The following ASXL1 variants were observed in gnomAD, a reference collection of about 807,000 sequenced individuals.
The protein encoded by ASXL1 is ASXL transcriptional regulator 1, also known as polycomb group protein ASXL1.
A neutral mutation model predicts 89.1 loss-of-function variants in ASXL1; 65 were observed. The observed-to-expected ratio is 0.73, with a 90% confidence interval of 0.60 to 0.90. The LOEUF is 0.90. ASXL1 is among the 40% of genes least tolerant of loss of function. ASXL1 has a pLI of 0.00. For synonymous variants in ASXL1, 739 were observed against 746.9 expected (o/e 0.99, Z 0.17); for missense variants, 1,786 against 1,942.9 (o/e 0.92, Z 1.52).
In ASXL1 at chr20:32,382,580, T is replaced by C. The variant is rs2122937525; in HGVS notation, c.252+13457T>C. Among the ~76,000 whole-genome samples, 3 of 137,212 alleles carry C rather than the reference T, an allele frequency of 2.2e-5. No homozygotes were observed. In the South Asian group the frequency reaches 6.8e-4, roughly 31 times the overall value. The allele number at this position is 137,212 out of a possible 152,430, so 90.0% of individuals were successfully genotyped here. On this transcript the variant is annotated intron_variant, in intron 4 of 12. Transcript: ENST00000375687. ...TGAGCCCAGGAGTTTGGTACCAGCCTGGGCAACATATGGAGACCTCGTCTC... is the reference window on the plus strand; with the variant it reads ...TGAGCCCAGGAGTTTGGTACCAGCCCGGGCAACATATGGAGACCTCGTCTC...
intron 4 of ASXL1, chr20:32,372,114 A>G: frequency 1.5e-6 from 2 of 1,342,406 alleles, no homozygotes; most frequent in South Asian, 2.5e-5. Context: ...TTGGCATAGT[A>G]CGTGCTTTAT....
chr20:32,433,042 T>C, intron 11 of ASXL1, 57 bp downstream of exon 11: 1 of 1,604,142 alleles, frequency 6.2e-7, no homozygotes, highest in South Asian at 1.1e-5. Flanking sequence ...TAGAGGTAGA[T>C]GGTCTCAAAA....
At chr20:32,415,468 T>C (rs992805967) in intron 4 of ASXL1, among the ~76,000 whole-genome samples, 4 of 152,188 alleles carry the variant, frequency 2.6e-5, no homozygotes, top group South Asian at 2.1e-4. Context: ...GAAGGGTGTA[T>C]TGCCTTACTG....
chr20:32,359,982 T>TA, intron 1 of ASXL1: 1 of 604,128 alleles, frequency 1.7e-6, no homozygotes, highest in Non-Finnish European at 3.0e-6. Context: ...GTAATGGTTG[T>TA]AATTCAGTTT....
In ASXL1 at chr20:32,436,283, A is replaced by G. The variant is rs767340580; in HGVS notation, c.3571A>G (p.Ile1191Val). ...TGAAACAGGCACTGGTCTTGCCAGGATTGAGGCCACCCAGGCTCCTGGAGC... is the reference window on the plus strand; with the variant it reads ...TGAAACAGGCACTGGTCTTGCCAGGGTTGAGGCCACCCAGGCTCCTGGAGC... ...SCETGTGLAR[I>V]EATQAPGAPQ... The change falls in exon 13 of 13, where the codon ATT becomes GTT. Residue 1191 changes from isoleucine (I) to valine (V), a missense_variant. Around this residue, in one of 3 missense-constraint regions of ASXL1, gnomAD observed 1,418 missense variants for 1,427.8 expected, o/e 0.99. Transcript: ENST00000375687. 6.8e-6 allele frequency: 11 copies of G among 1,614,224 alleles called. No homozygotes were observed. The South Asian group carries it at 1.2e-4, about 18-fold the overall frequency.
chr20:32,397,468 C>T (rs1345658904), intron 4 of ASXL1, among the ~76,000 whole-genome samples: 2 of 136,538 alleles, frequency 1.5e-5, no homozygotes, highest in African/African-American at 2.7e-5. Flanking sequence ...GGCATGATCT[C>T]GGCTCGCTGC....
chr20:32,377,106 ATATAT>A (rs1287570248), intron 4 of ASXL1, among the ~76,000 whole-genome samples: 10 of 115,238 alleles, frequency 8.7e-5, no homozygotes, highest in South Asian at 5.3e-4. Context: ...ATTATATATA[ATATAT>A]TAATAGATAT....
chr20:32,395,984 A>T (rs1600518631), intron 4 of ASXL1, among the ~76,000 whole-genome samples: 3 of 152,172 alleles, frequency 2.0e-5, no homozygotes, highest in East Asian at 3.9e-4. Flanking sequence ...TTTTTAGTAG[A>T]GACAGAGCTT....
chr20:32,429,335 C>T lies in ASXL1; in HGVS notation c.472-3C>T, dbSNP rs2011445135. 6.2e-7 allele frequency: 1 copy of T among 1,613,954 alleles called. No individual in the cohort carries two copies. Among genetic ancestry groups the T allele is most frequent in the South Asian group, 1.1e-5 (1 of 91,068 alleles). ...CTCTCTTTTGTTCTCTCTTGGAACG[C>T]AGGCGAACAAACAAAAGAAAAAGAC... is the stretch of plus-strand genomic sequence containing the variant. On this transcript the variant is annotated splice_region_variant and splice_polypyrimidine_tract_variant and intron_variant, in intron 6 of 12. Transcript: ENST00000375687. This position sits in a 1 kb window ranked among gnomAD's most constrained non-coding sequence, Gnocchi z 4.9.
At chr20:32,359,261 G>A (rs1294399355) in intron 1 of ASXL1, 5 of 702,226 alleles carry the variant, frequency 7.1e-6, no homozygotes, top group Non-Finnish European at 1.3e-5. Flanking sequence ...TGGTGCCTTT[G>A]ACTCCGGGGG....
intron 1 of ASXL1, among the ~76,000 whole-genome samples, chr20:32,361,509 A>G (rs1446614589): frequency 6.6e-6 from 1 of 151,204 alleles, no homozygotes; most frequent in Non-Finnish European, 1.5e-5. Context: ...GTGGTGGTGC[A>G]CGCCTGTAAT....
intron 4 of ASXL1, among the ~76,000 whole-genome samples, chr20:32,414,684 G>A (rs1313825435): frequency 6.6e-6 from 1 of 152,126 alleles, no homozygotes; most frequent in East Asian, 1.9e-4. Context: ...TTAAATAGCT[G>A]GTGGTTCTTG....
intron 4 of ASXL1, among the ~76,000 whole-genome samples, chr20:32,423,740 G>T (rs928294240): frequency 6.6e-6 from 1 of 151,878 alleles, no homozygotes; most frequent in African/African-American, 2.4e-5. Context: ...GTAGAGTCAG[G>T]GTTTCATTAT....
rs1304177480 is a variant in ASXL1 at position 32,438,473 on chromosome 20, G to C, written c.*1135G>C. The C allele has an allele frequency of 4.3e-6, 1 of 233,500 alleles. No individual in the cohort carries two copies. Among genetic ancestry groups the C allele is most frequent in the Non-Finnish European group, 8.5e-6 (1 of 118,064 alleles). The allele number at this position is 233,500 out of a possible 1,614,324, so 14.5% of individuals were successfully genotyped here. ...TGCTCGACGTGAGGGTGAAATGATTGACTTGTGACCTGCCAGGTTGCCCGA... is the reference window on the plus strand; with the variant it reads ...TGCTCGACGTGAGGGTGAAATGATTCACTTGTGACCTGCCAGGTTGCCCGA... On this transcript the variant is annotated 3_prime_UTR_variant, in exon 13 of 13. Transcript: ENST00000375687.
intron 4 of ASXL1, among the ~76,000 whole-genome samples, chr20:32,378,158 TTGTGTGTGTGTG>T (rs142792019): frequency 1.2e-4 from 15 of 130,316 alleles, no homozygotes; most frequent in South Asian, 5.1e-4. Flanking sequence ...GCTGAGTAAT[TTGTGTGTGTGTG>T]TGTGTGTGTG....
Position 32,429,265 on chromosome 20 carries a change from T to G in ASXL1, c.472-73T>G. On this transcript the variant is annotated intron_variant, in intron 6 of 12. Coordinates refer to ENST00000375687, the MANE Select transcript of ASXL1 (RefSeq NM_015338.6). This position sits in a 1 kb window ranked among gnomAD's most constrained non-coding sequence, Gnocchi z 4.9. Reference sequence around the variant, plus strand: ...CATTTTACAAGAGCGTGAGTAGAGATAGTGTCGCCAGGGAATGCTTTTGTG... The same window carrying G: ...CATTTTACAAGAGCGTGAGTAGAGAGAGTGTCGCCAGGGAATGCTTTTGTG... 1.4e-6 allele frequency: 2 copies of G among 1,407,884 alleles called. No homozygotes were observed. The highest frequency in any genetic ancestry group is 2.0e-6 in the Non-Finnish European group (2 of 1,005,400). The allele number at this position is 1,407,884 out of a possible 1,614,324, so 87.2% of individuals were successfully genotyped here. A position where few individuals can be genotyped will look rare whatever the true frequency, so the allele number is the denominator to read the frequency against.
At chr20:32,428,103 C>T in intron 4 of ASXL1, 25 bp from the exon 5 acceptor site, 9 of 1,612,614 alleles carry the variant, frequency 5.6e-6, no homozygotes, top group African/African-American at 1.3e-5. Flanking sequence ...GTTTTGTTCA[C>T]CTGAGTTGTA....
chr20:32,418,095 T>G (rs1395683909), intron 4 of ASXL1, among the ~76,000 whole-genome samples: 1 of 152,040 alleles, frequency 6.6e-6, no homozygotes, highest in East Asian at 1.9e-4. Flanking sequence ...GGAGAATTGC[T>G]TGAACCCGGG....
At chr20:32,389,475 G>A (rs2048634312) in intron 4 of ASXL1, among the ~76,000 whole-genome samples, 1 of 152,082 alleles carries the variant, frequency 6.6e-6, no homozygotes, top group African/African-American at 2.4e-5. Context: ...TATGTTGCTG[G>A]GAATGGGACT....
Sources: allele counts gnomAD v4.1 joint callset (sites outside exome capture counted in the v4.1 genomes callset), GRCh38; gene constraint gnomAD v4.1.1; regional missense constraint gnomAD v4.1.1; non-coding constraint Gnocchi (gnomAD v3.1); transcripts MANE v1.5; gene names NCBI Gene and HGNC (gene_info 2026-07-23, HGNC 2026-07-21).